The following EBNA1BP2 variants were observed in gnomAD, a reference collection of about 807,000 sequenced individuals.
EBNA1BP2 encodes the protein probable rRNA-processing protein EBP2.
A neutral mutation model predicts 43.5 loss-of-function variants in EBNA1BP2; 36 were observed. That is an observed-to-expected ratio of 0.83 (90% CI 0.63 to 1.09). The LOEUF is 1.09. Among genes scored for constraint, EBNA1BP2 ranks in the 50% least tolerant of loss-of-function variants. The pLI is 0.00. For missense variants in EBNA1BP2, 332 were observed against 379.1 expected, an observed-to-expected ratio of 0.88 and a Z score of 1.03; for synonymous variants, 127 against 141.3, an observed-to-expected ratio of 0.90 and a Z score of 0.72.
chr1:43,172,325 AC>A, upstream of EBNA1BP2: 1 of 1,551,574 alleles, frequency 6.4e-7, no homozygotes. Context: ...CCGGCGGCAA[AC>A]CATACTTCCG....
intron 4 of EBNA1BP2, among the ~76,000 whole-genome samples, chr1:43,170,411 T>A (rs1426409752): frequency 6.6e-6 from 1 of 152,232 alleles, no homozygotes; most frequent in African/African-American, 2.4e-5. Flanking sequence ...GTCTACAAGT[T>A]CTAGCACTGA....
At chr1:43,170,721 T>C in intron 4 of EBNA1BP2, 35 bp downstream of exon 4, 1 of 1,595,088 alleles carries the variant, frequency 6.3e-7, no homozygotes, top group African/African-American at 1.4e-5. Context: ...AAGTACAAAG[T>C]TTTGACTTTC....
Position 43,170,835 on chromosome 1 carries a change from A to G in EBNA1BP2, c.368T>C (p.Leu123Pro). 1.2e-6 allele frequency: 2 copies of G among 1,604,580 alleles called. No individual in the cohort carries two copies. The highest frequency in any genetic ancestry group is 1.7e-6 in the Non-Finnish European group (2 of 1,176,288). The change falls in exon 4 of 9, where the codon CTC becomes CCC. Residue 123 changes from leucine to proline, a missense_variant. By Grantham distance (98) the Leu-to-Pro change is moderately conservative (BLOSUM62 -3). Coordinates refer to ENST00000236051, the MANE Select transcript of EBNA1BP2 (RefSeq NM_006824.3). ...CTTCGTAGGGACTTTGAGCTGATGG[A>G]GGCGGGGTAAGACTGCAAGCACTGC... Reference protein sequence around the residue: ...QAAVLAVLPRLHQLKVPTKRP... With the variant: ...QAAVLAVLPRPHQLKVPTKRP...
chr1:43,171,936 G>A lies in EBNA1BP2; in HGVS notation c.100C>T (p.Pro34Ser), dbSNP rs1234473319. The A allele has an allele frequency of 2.5e-6, 4 of 1,614,152 alleles. No homozygotes were observed. The highest frequency in any genetic ancestry group is 1.7e-5 in the Admixed American group (1 of 60,028). ...QDAFSRGLLK[P>S]GLNVVLEGPK... The stretch of plus-strand genomic sequence containing the variant: ...CCCTCTAGCACGACATTGAGGCCTG[G>A]CTTCAGAAGCCCTCGGGAAAACGCA... The change falls in exon 2 of 9, where the codon CCA (proline) becomes TCA (serine). Residue 34 changes from proline to serine, a missense_variant. By Grantham distance (74) the Pro-to-Ser change is moderately conservative (BLOSUM62 -1). Coordinates refer to ENST00000236051, the MANE Select transcript of EBNA1BP2 (RefSeq NM_006824.3).
chr1:43,170,669 A>T, intron 4 of EBNA1BP2, 87 bp downstream of exon 4: 4 of 1,525,492 alleles, frequency 2.6e-6, no homozygotes, highest in Non-Finnish European at 3.5e-6. Flanking sequence ...GCTCCCCGTT[A>T]TTGGGCTCAT....
At chr1:43,171,700 C>G in intron 2 of EBNA1BP2, 49 bp from the exon 3 acceptor site, 3 of 1,599,228 alleles carry the variant, frequency 1.9e-6, no homozygotes, top group Non-Finnish European at 2.6e-6. Context: ...CTGAGTTTGT[C>G]TTTCCCAAGC....
chr1:43,172,567 G>C, upstream of EBNA1BP2: 2 of 712,746 alleles, frequency 2.8e-6, no homozygotes, highest in South Asian at 3.4e-5. Context: ...GACCCCGGGG[G>C]AGGGGAAAGG....
upstream of EBNA1BP2, chr1:43,172,547 C>A: frequency 1.2e-6 from 1 of 863,262 alleles, no homozygotes; most frequent in Non-Finnish European, 1.6e-6. Flanking sequence ...GGTGGGGTGG[C>A]GCGGAGGAGG....
chr1:43,171,580 C>A lies in EBNA1BP2; in HGVS notation c.222G>T (p.Leu74=). The A allele has an allele frequency of 6.2e-7, 1 of 1,614,202 alleles. No homozygotes were observed. ...LEWVERLDVT[L]GPVPEIGGSE... is the part of the protein sequence containing the mutation. The stretch of plus-strand genomic sequence containing the variant: ...ATCCACCGATCTCCGGTACCGGACC[C>A]AGTGTCACATCGAGCCTTTCAACCC... Residue 74 remains leucine, a synonymous_variant, in exon 3 of 9, where the codon CTG becomes CTT. Transcript: ENST00000236051.
Position 43,171,760 on chromosome 1 carries a change from G to A in EBNA1BP2, c.151-109C>T, listed in dbSNP as rs1385745715. ...AGTGCTAATCCCCAATACCCAGACA[G>A]GTAATTGACCCTCTTGGCGAGGCGC... On this transcript the variant is annotated intron_variant, in intron 2 of 8. Coordinates refer to ENST00000236051, the MANE Select transcript of EBNA1BP2 (RefSeq NM_006824.3). 6.4e-6 allele frequency: 10 copies of A among 1,561,580 alleles called. No individual in the cohort carries two copies. In the South Asian group the frequency reaches 8.3e-5, roughly 13 times the overall value.
At chr1:43,172,301 T>G (rs993328380), upstream of EBNA1BP2, 10 of 1,551,834 alleles carry the variant, frequency 6.4e-6, 1 homozygote, top group Admixed American at 5.9e-5. Flanking sequence ...AACTTTTGAT[T>G]GGGACTTCCG....
chr1:43,171,987 G>A lies in EBNA1BP2; in HGVS notation c.67-18C>T. 6.2e-7 allele frequency: 1 copy of A among 1,614,082 alleles called. No individual in the cohort carries two copies. The highest frequency in any genetic ancestry group is 2.2e-5 in the East Asian group (1 of 44,862). On this transcript the variant is annotated intron_variant, in intron 1 of 8. Coordinates refer to ENST00000236051, the MANE Select transcript of EBNA1BP2 (RefSeq NM_006824.3). Reference sequence around the variant, plus strand: ...TCCTGCAACTGCAGGACACAATCACGGTCACTCCCAGGGGTGTAAGGCCCC... The same window carrying A: ...TCCTGCAACTGCAGGACACAATCACAGTCACTCCCAGGGGTGTAAGGCCCC...
chr1:43,171,368 C>A, intron 3 of EBNA1BP2, 111 bp downstream of exon 3: 2 of 1,326,240 alleles, frequency 1.5e-6, no homozygotes, highest in South Asian at 1.7e-5. Context: ...CAAAAGAAGC[C>A]GCTCTCTCTA....
At chr1:43,172,430 T>G, upstream of EBNA1BP2, 1 of 1,550,868 alleles carries the variant, frequency 6.4e-7, no homozygotes, top group Non-Finnish European at 8.7e-7. Context: ...ATGCGTGGTC[T>G]GCTGACCCAG....
chr1:43,171,889 G>T lies in EBNA1BP2; in HGVS notation c.147C>A (p.Asp49Glu). 6.2e-7 allele frequency: 1 copy of T among 1,613,926 alleles called. No individual in the cohort carries two copies. The highest frequency in any genetic ancestry group is 8.5e-7 in the Non-Finnish European group (1 of 1,179,888). The change falls in exon 2 of 9, where the codon GAC (aspartate) becomes GAA (glutamate). Residue 49 changes from aspartate (D) to glutamate (E), a missense_variant. Transcript: ENST00000236051. ...CCGACCCTGTGCCCACGCTCACCACGTCGTTCACGGCCTTCTTCGGCCCCT... is the reference window on the plus strand; with the variant it reads ...CCGACCCTGTGCCCACGCTCACCACTTCGTTCACGGCCTTCTTCGGCCCCT... ...VLEGPKKAVN[D>E]VNGLKQCLAE... is the part of the protein sequence containing the mutation.
At chr1:43,168,858 C>T in intron 5 of EBNA1BP2, 81 bp downstream of exon 5, 1 of 1,385,860 alleles carries the variant, frequency 7.2e-7, no homozygotes, top group African/African-American at 1.4e-5. Flanking sequence ...CCGTTCAGTT[C>T]AGGGGACCAA....
chr1:43,169,552 G>A (rs1644941440), intron 4 of EBNA1BP2, among the ~76,000 whole-genome samples: 1 of 151,968 alleles, frequency 6.6e-6, no homozygotes, highest in Non-Finnish European at 1.5e-5. Flanking sequence ...GAGACCCCAG[G>A]GTACTATTTA....
chr1:43,172,244 A>C lies in EBNA1BP2; in HGVS notation c.-126T>G, dbSNP rs1279798902. 5 of 1,561,804 alleles carry C rather than the reference A, an allele frequency of 3.2e-6. No homozygotes were observed. Among genetic ancestry groups the C allele is most frequent in the Non-Finnish European group, 4.3e-6 (5 of 1,152,174 alleles). ...CCCCCTACTCCCACGCCGTGGCTCC[A>C]CGTGCCACCGAATCGCTCCAGCGCC... On this transcript the variant is annotated 5_prime_UTR_variant, in exon 1 of 9. Transcript: ENST00000236051.
Position 43,172,080 on chromosome 1 carries a change from G to T in EBNA1BP2, c.39C>A (p.Ser13=). Residue 13 remains serine (S), a synonymous_variant, in exon 1 of 9, where the codon TCC becomes TCA. Coordinates refer to ENST00000236051, the MANE Select transcript of EBNA1BP2 (RefSeq NM_006824.3). ...TPPLSDSESE[S]DESLVTDREL... ...CTCTGTCTGTGACAAGGGATTCATCGGATTCCGACTCCGAATCCGAGAGCG... is the reference window on the plus strand; with the variant it reads ...CTCTGTCTGTGACAAGGGATTCATCTGATTCCGACTCCGAATCCGAGAGCG... The T allele has an allele frequency of 6.2e-7, 1 of 1,614,132 alleles. No individual in the cohort carries two copies.
Sources: gnomAD v4.1 joint callset for allele counts (sites outside exome capture counted in the v4.1 genomes callset) on GRCh38, gnomAD v4.1.1 for gene constraint, MANE v1.5 for transcripts, NCBI Gene and HGNC (gene_info 2026-07-23, HGNC 2026-07-21) for gene names.